ZDHHC14: variants seen among roughly 807,000 people sequenced by gnomAD.
ZDHHC14 encodes zDHHC palmitoyltransferase 14.
Under a neutral mutation model 47.7 loss-of-function variants are expected in ZDHHC14, and 16 were observed. The ratio of observed to expected loss-of-function variants is 0.34; its 90% confidence interval spans 0.23 to 0.51. The LOEUF is 0.51. Among genes scored for constraint, ZDHHC14 ranks in the 20% least tolerant of loss-of-function variants. ZDHHC14 has a pLI of 0.97. For missense variants in ZDHHC14, 515 were observed against 662.5 expected, an observed-to-expected ratio of 0.78 and a Z score of 2.44; for synonymous variants, 293 against 278.9, an observed-to-expected ratio of 1.05 and a Z score of -0.50.
chr6:157,576,049 G>C (rs1338191989), intron 2 of ZDHHC14, among the ~76,000 whole-genome samples: 5 of 152,216 alleles, frequency 3.3e-5, no homozygotes, highest in Non-Finnish European at 7.3e-5. Context: ...GATGGGTAGG[G>C]GACTAAGCAG....
At chr6:157,442,286 G>C (rs532929870) in intron 1 of ZDHHC14, among the ~76,000 whole-genome samples, 181 of 152,300 alleles carry the variant, frequency 1.2e-3, no homozygotes, top group African/African-American at 4.3e-3. Flanking sequence ...AAGAGGCTGA[G>C]GTGGGAGAAT....
chr6:157,604,486 A>G (rs1234943750), intron 3 of ZDHHC14, among the ~76,000 whole-genome samples: 1 of 152,144 alleles, frequency 6.6e-6, no homozygotes, highest in Non-Finnish European at 1.5e-5. Flanking sequence ...ACAGCCTCTC[A>G]CATGAGGGGA....
intron 1 of ZDHHC14, among the ~76,000 whole-genome samples, chr6:157,445,464 A>G (rs1380547863): frequency 6.6e-6 from 1 of 152,108 alleles, no homozygotes; most frequent in East Asian, 1.9e-4. Context: ...TGTCTGTCCA[A>G]AACAGTTTCT....
chr6:157,495,745 C>T (rs1365271067), intron 1 of ZDHHC14, among the ~76,000 whole-genome samples: 2 of 138,496 alleles, frequency 1.4e-5, no homozygotes, highest in Non-Finnish European at 3.0e-5. Flanking sequence ...TGCTCTGTCA[C>T]CCAGGCTGGA....
At chr6:157,544,830 G>C (rs1323505446) in intron 2 of ZDHHC14, among the ~76,000 whole-genome samples, 3 of 152,192 alleles carry the variant, frequency 2.0e-5, no homozygotes, top group Non-Finnish European at 4.4e-5. Context: ...TTGGAAAGCA[G>C]TTTCTCAGAA....
chr6:157,677,048 C>T lies in ZDHHC14; in HGVS notation c.*3926C>T, dbSNP rs1562544655. On this transcript the variant is annotated 3_prime_UTR_variant, in exon 9 of 9. Coordinates refer to ENST00000359775, the MANE Select transcript of ZDHHC14 (RefSeq NM_024630.3). ...CTCTTTTCTAATTGATGCCTTACTA[C>T]TGTTTTGAAGCTGAGCCGAAATCAA... is the stretch of plus-strand genomic sequence containing the variant. 6.6e-6 allele frequency: 1 copy of T among 152,198 alleles called. No individual in the cohort carries two copies. The highest frequency in any genetic ancestry group is 1.5e-5 in the Non-Finnish European group (1 of 68,042). 9.4% of individuals were successfully genotyped at this position (152,198 alleles called of 1,614,324 possible). A position where few individuals can be genotyped will look rare whatever the true frequency, so the allele number is the denominator to read the frequency against.
intron 1 of ZDHHC14, among the ~76,000 whole-genome samples, chr6:157,462,715 G>A (rs1222245345): frequency 5.9e-5 from 9 of 152,130 alleles, no homozygotes; most frequent in Non-Finnish European, 1.0e-4. Context: ...TCCTTAAATC[G>A]GCTCCTCACA....
At chr6:157,567,412 T>A (rs1021909213) in intron 2 of ZDHHC14, among the ~76,000 whole-genome samples, 1 of 152,174 alleles carries the variant, frequency 6.6e-6, no homozygotes, top group Admixed American at 6.5e-5. Context: ...TCTAAGCACT[T>A]AGGTTCCACC....
At chr6:157,485,642 A>G (rs944374408) in intron 1 of ZDHHC14, among the ~76,000 whole-genome samples, 6 of 151,592 alleles carry the variant, frequency 4.0e-5, no homozygotes, top group East Asian at 1.9e-4. Context: ...TAAAAATTAT[A>G]TAATTTAAAA....
chr6:157,406,202 G>C (rs1238511716), intron 1 of ZDHHC14, among the ~76,000 whole-genome samples: 2 of 152,216 alleles, frequency 1.3e-5, no homozygotes, highest in African/African-American at 4.8e-5. Context: ...GGGAGGGAGT[G>C]GGGTGATTCA....
At chr6:157,637,926 G>A (rs1183350117) in intron 5 of ZDHHC14, among the ~76,000 whole-genome samples, 1 of 152,200 alleles carries the variant, frequency 6.6e-6, no homozygotes, top group East Asian at 1.9e-4. Flanking sequence ...AAATATCAGT[G>A]TCAATGATGG....
intron 1 of ZDHHC14, among the ~76,000 whole-genome samples, chr6:157,428,309 T>C (rs1480606782): frequency 1.3e-5 from 2 of 152,162 alleles, no homozygotes; most frequent in African/African-American, 4.8e-5. Flanking sequence ...ATAGAAATCC[T>C]CTCAGGAAAG....
At chr6:157,620,350 T>A (rs1785139887) in intron 3 of ZDHHC14, among the ~76,000 whole-genome samples, 1 of 152,184 alleles carries the variant, frequency 6.6e-6, no homozygotes, top group Non-Finnish European at 1.5e-5. Context: ...CAGCTGCCCC[T>A]AATTACCTCT....
chr6:157,567,882 T>C (rs903591547), intron 2 of ZDHHC14, among the ~76,000 whole-genome samples: 1 of 151,820 alleles, frequency 6.6e-6, no homozygotes, highest in African/African-American at 2.4e-5. Flanking sequence ...TTAAGTGAGC[T>C]AATATTTGGA....
chr6:157,583,581 C>G (rs1170526793), intron 2 of ZDHHC14, among the ~76,000 whole-genome samples: 4 of 151,908 alleles, frequency 2.6e-5, no homozygotes. Context: ...GGCTTTGATA[C>G]AGTAGATGGC....
chr6:157,601,209 T>C (rs1218696501), intron 3 of ZDHHC14, among the ~76,000 whole-genome samples: 2 of 152,250 alleles, frequency 1.3e-5, no homozygotes, highest in East Asian at 3.8e-4. Context: ...AGAATATTTC[T>C]TTAACATTAT....
chr6:157,601,254 G>A (rs958110997), intron 3 of ZDHHC14, among the ~76,000 whole-genome samples: 14 of 152,208 alleles, frequency 9.2e-5, no homozygotes, highest in African/African-American at 3.4e-4. Context: ...TTTCTTTATA[G>A]CAAAACACTG....
intron 1 of ZDHHC14, among the ~76,000 whole-genome samples, chr6:157,525,262 G>A (rs1212324783): frequency 1.3e-5 from 2 of 152,206 alleles, no homozygotes; most frequent in African/African-American, 4.8e-5. Context: ...CCTGTTTCAA[G>A]CGATCCTCCT....
chr6:157,617,149 C>T (rs770745015), intron 3 of ZDHHC14, among the ~76,000 whole-genome samples: 2 of 152,088 alleles, frequency 1.3e-5, no homozygotes, highest in African/African-American at 2.4e-5. Flanking sequence ...GTGACAGTCA[C>T]GAGACACTGC....
Sources: gnomAD v4.1 joint callset for allele counts (sites outside exome capture counted in the v4.1 genomes callset) on GRCh38, gnomAD v4.1.1 for gene constraint, MANE v1.5 for transcripts, NCBI Gene and HGNC (gene_info 2026-07-23, HGNC 2026-07-21) for gene names.